Variants in RUNDC3B observed in about 807,000 individuals in gnomAD.
The protein encoded by RUNDC3B is RUN domain containing 3B, also known as RUN domain-containing protein 3B.
In RUNDC3B, 33 loss-of-function variants were observed where a neutral mutation model predicts 58.4. That is an observed-to-expected ratio of 0.56 (90% CI 0.43 to 0.75). The LOEUF (loss-of-function observed/expected upper bound fraction) is 0.75. Ranked by LOEUF, RUNDC3B falls within the 30% of genes least tolerant of loss-of-function variation. The pLI, the probability that RUNDC3B is intolerant of heterozygous loss-of-function variation, is 0.00. For missense variants in RUNDC3B, 501 were observed against 535.7 expected (o/e 0.94, Z 0.64); for synonymous variants, 193 against 195.2 (o/e 0.99, Z 0.10).
At chr7:87,720,928 T>TAAGTAGTTA in intron 4 of RUNDC3B, among the ~76,000 whole-genome samples, 1 of 644 alleles carries the variant, frequency 1.6e-3, no homozygotes, top group South Asian at 0.062. Flanking sequence ...TATAATATTT[T>TAAGTAGTTA]AAATAGTTAA....
At position 87,731,746 on chromosome 7, in the gene RUNDC3B, A is replaced by G. The variant is rs570766364; in HGVS notation, c.459-8045A>G. Reference sequence around the variant, plus strand: ...ATTGTAAATACATGTGCACCCAACAATGGAGCACACAGATTATATAAAGCA... The same window carrying G: ...ATTGTAAATACATGTGCACCCAACAGTGGAGCACACAGATTATATAAAGCA... On this transcript the variant is annotated intron_variant, in intron 4 of 10. Transcript: ENST00000394654. 3.9e-5 allele frequency among the ~76,000 whole-genome samples: 6 copies of G among 152,342 alleles called. No homozygotes were observed. The South Asian group carries it at 1.0e-3, about 26-fold the overall frequency.
intron 8 of RUNDC3B, among the ~76,000 whole-genome samples, chr7:87,805,430 A>C (rs1836387571): frequency 6.6e-6 from 1 of 152,118 alleles, no homozygotes. Flanking sequence ...TGGGAGGAAA[A>C]CTACACCTAT....
chr7:87,675,581 C>T (rs1261483399), intron 2 of RUNDC3B, among the ~76,000 whole-genome samples: 1 of 137,466 alleles, frequency 7.3e-6, no homozygotes, highest in African/African-American at 2.8e-5. Context: ...TTTGACAAGA[C>T]ACCAAGAGTA....
rs181646980 is a variant in RUNDC3B, at chr7:87,755,401, A to G, written c.629+13822A>G. ...CCCCAACTTATTCTATGAGGCCAGT[A>G]TCATCCTGATACCAAAACCTGGCAG... On this transcript the variant is annotated intron_variant, in intron 6 of 10. Coordinates refer to ENST00000394654, the MANE Select transcript of RUNDC3B (RefSeq NM_001134405.2). Among the ~76,000 whole-genome samples, 5 of 152,336 alleles carry G rather than the reference A, an allele frequency of 3.3e-5. No homozygotes were observed. In the East Asian group the frequency reaches 7.7e-4, roughly 23 times the overall value.
intron 4 of RUNDC3B, among the ~76,000 whole-genome samples, chr7:87,738,272 A>C (rs759102368): frequency 1.6e-4 from 25 of 152,072 alleles, no homozygotes; most frequent in Non-Finnish European, 3.2e-4. Flanking sequence ...CCAGGGACAA[A>C]GTCTCAAACA....
At chr7:87,791,953 A>G (rs1477887130) in intron 8 of RUNDC3B, among the ~76,000 whole-genome samples, 1 of 152,086 alleles carries the variant, frequency 6.6e-6, no homozygotes, top group Non-Finnish European at 1.5e-5. Flanking sequence ...AGACCCAAAG[A>G]TCTGTTATCT....
chr7:87,675,723 G>A (rs945856848), intron 2 of RUNDC3B, among the ~76,000 whole-genome samples: 2 of 148,096 alleles, frequency 1.4e-5, no homozygotes, highest in Non-Finnish European at 3.0e-5. Flanking sequence ...GAGAGAAATC[G>A]GACCTTTCTC....
intron 2 of RUNDC3B, among the ~76,000 whole-genome samples, chr7:87,665,993 A>G (rs925443244): frequency 6.6e-6 from 1 of 152,132 alleles, no homozygotes; most frequent in Non-Finnish European, 1.5e-5. Context: ...TCCTCTGGGT[A>G]TATACCCGGT....
intron 3 of RUNDC3B, among the ~76,000 whole-genome samples, chr7:87,701,805 C>G (rs566312019): frequency 1.3e-5 from 2 of 152,190 alleles, no homozygotes; most frequent in East Asian, 3.9e-4. Flanking sequence ...AAGCAGATAT[C>G]TAATTATCTT....
At chr7:87,679,455 C>A (rs1482443653) in intron 2 of RUNDC3B, among the ~76,000 whole-genome samples, 1 of 149,812 alleles carries the variant, frequency 6.7e-6, no homozygotes, top group Non-Finnish European at 1.5e-5. Flanking sequence ...ATGGCACAAT[C>A]ATGGCTCACC....
intron 2 of RUNDC3B, among the ~76,000 whole-genome samples, chr7:87,689,448 C>CT (rs1256175551): frequency 1.3e-5 from 2 of 151,986 alleles, no homozygotes; most frequent in Non-Finnish European, 2.9e-5. Flanking sequence ...AAATTGCTTT[C>CT]TTTATTATTT....
At chr7:87,735,900 C>A (rs1323530566) in intron 4 of RUNDC3B, among the ~76,000 whole-genome samples, 2 of 152,146 alleles carry the variant, frequency 1.3e-5, no homozygotes, top group Admixed American at 1.3e-4. Flanking sequence ...GGATCTAAAT[C>A]TAACTTATTT....
chr7:87,782,454 G>A (rs1378249482), intron 8 of RUNDC3B, among the ~76,000 whole-genome samples: 10 of 151,806 alleles, frequency 6.6e-5, no homozygotes, highest in Non-Finnish European at 4.4e-5. Context: ...GTAGGTTTTT[G>A]TGTCTCAGTT....
At chr7:87,674,148 C>T (rs1826092648) in intron 2 of RUNDC3B, among the ~76,000 whole-genome samples, 1 of 152,198 alleles carries the variant, frequency 6.6e-6, no homozygotes, top group Non-Finnish European at 1.5e-5. Flanking sequence ...GGCCAAACCA[C>T]TTCATCGAGG....
At chr7:87,723,014 A>G (rs1437630570) in intron 4 of RUNDC3B, among the ~76,000 whole-genome samples, 2 of 152,212 alleles carry the variant, frequency 1.3e-5, no homozygotes, top group Admixed American at 6.6e-5. Flanking sequence ...GCAGATTCTC[A>G]CAGTTGTCAA....
At chr7:87,726,173 A>G (rs1326251661) in intron 4 of RUNDC3B, among the ~76,000 whole-genome samples, 3 of 152,170 alleles carry the variant, frequency 2.0e-5, no homozygotes, top group Admixed American at 6.6e-5. Context: ...GCCCATGCCT[A>G]TGTCCTGAAT....
At chr7:87,790,293 C>G (rs968397528) in intron 8 of RUNDC3B, among the ~76,000 whole-genome samples, 3 of 152,162 alleles carry the variant, frequency 2.0e-5, no homozygotes, top group South Asian at 4.1e-4. Flanking sequence ...AGTACCTCTA[C>G]GAGTCTGCAA....
chr7:87,741,704 G>A (rs1832336037), intron 6 of RUNDC3B, 125 bp downstream of exon 6: 4 of 551,102 alleles, frequency 7.3e-6, no homozygotes, highest in Non-Finnish European at 9.6e-6. Context: ...TCATTAAAGG[G>A]TACAAGCTTC....
intron 1 of RUNDC3B, among the ~76,000 whole-genome samples, chr7:87,644,289 T>C (rs897031504): frequency 2.0e-5 from 3 of 152,246 alleles, no homozygotes; most frequent in African/African-American, 7.2e-5. Flanking sequence ...GCTTATATTA[T>C]GTTTGGTGTG....
Sources: allele counts gnomAD v4.1 joint callset (sites outside exome capture counted in the v4.1 genomes callset), GRCh38; gene constraint gnomAD v4.1.1; transcripts MANE v1.5; gene names NCBI Gene and HGNC (gene_info 2026-07-23, HGNC 2026-07-21).